The following SH3BP4 variants were observed in gnomAD, a reference collection of about 807,000 sequenced individuals.
The protein encoded by SH3BP4 is SH3 domain-binding protein 4.
A neutral mutation model predicts 65.5 loss-of-function variants in SH3BP4; 33 were observed. The observed-to-expected ratio is 0.50, with a 90% CI of 0.38 to 0.67. The LOEUF (loss-of-function observed/expected upper bound fraction) is 0.67, where lower values mean the gene tolerates loss of function less well. Among genes scored for constraint, SH3BP4 ranks in the 30% least tolerant of loss-of-function variants. The probability of loss-of-function intolerance (pLI) is 0.00; values close to 1 mark genes in which losing one functional copy is unlikely to be tolerated. For missense variants in SH3BP4, 1,134 were observed against 1,261.4 expected (o/e 0.90, Z 1.53); for synonymous variants, 552 against 545.5 (o/e 1.01, Z -0.17).
intron 1 of SH3BP4, among the ~76,000 whole-genome samples, chr2:234,981,305 ACTG>A (rs1693375584): frequency 6.6e-6 from 1 of 151,838 alleles, no homozygotes; most frequent in Non-Finnish European, 1.5e-5. Context: ...TGAGGTGGAG[ACTG>A]CTGGGCTCTG....
intron 2 of SH3BP4, among the ~76,000 whole-genome samples, chr2:235,020,941 G>A (rs1248042862): frequency 6.6e-6 from 1 of 152,202 alleles, no homozygotes; most frequent in Non-Finnish European, 1.5e-5. Context: ...TGACACCAGG[G>A]AGGGGCAAAC....
At chr2:235,006,883 C>G (rs1263241956) in intron 2 of SH3BP4, among the ~76,000 whole-genome samples, 1 of 152,016 alleles carries the variant, frequency 6.6e-6, no homozygotes, top group East Asian at 1.9e-4. Flanking sequence ...GGCTGATGCA[C>G]CTGGTGTTTA....
intron 2 of SH3BP4, among the ~76,000 whole-genome samples, chr2:235,028,939 G>A (rs112732338): frequency 1.7e-4 from 26 of 152,224 alleles, no homozygotes; most frequent in South Asian, 1.0e-3. Context: ...ATGGGACAGG[G>A]GCTGATGATG....
Position 235,045,113 on chromosome 2 carries a change from G to T in SH3BP4, c.2478+1866G>T, listed in dbSNP as rs1695807367. 1.3e-5 allele frequency among the ~76,000 whole-genome samples: 2 copies of T among 152,214 alleles called. No individual in the cohort carries two copies. Among genetic ancestry groups the T allele is most frequent in the Admixed American group, 1.3e-4 (2 of 15,288 alleles). ...CTGGCTCTCCAGAACCTGGTGCCGG[G>T]CCGTGGCCTGGTCTCCTCACGGGTG... On this transcript the variant is annotated intron_variant, in intron 4 of 5. Coordinates refer to ENST00000392011, the MANE Select transcript of SH3BP4 (RefSeq NM_014521.3). This position sits in a 1 kb window ranked among gnomAD's most constrained non-coding sequence, Gnocchi z 4.3.
intron 2 of SH3BP4, among the ~76,000 whole-genome samples, chr2:235,015,554 G>A (rs1424415483): frequency 6.6e-6 from 1 of 152,204 alleles, no homozygotes; most frequent in South Asian, 2.1e-4. Context: ...ATGCAAGGAT[G>A]GTTTGAGTCC....
chr2:235,013,534 G>A (rs547522982), intron 2 of SH3BP4, among the ~76,000 whole-genome samples: 17 of 152,278 alleles, frequency 1.1e-4, no homozygotes, highest in African/African-American at 3.4e-4. Flanking sequence ...TTGTTAGTTG[G>A]TGCATATACC....
chr2:235,043,824 G>C (rs142612711), intron 4 of SH3BP4, among the ~76,000 whole-genome samples: 1 of 152,284 alleles, frequency 6.6e-6, no homozygotes, highest in Non-Finnish European at 1.5e-5. Flanking sequence ...TGGGATATAC[G>C]TGTGGGGCTT....
chr2:234,981,640 T>G (rs1235026251), intron 1 of SH3BP4: 2 of 152,202 alleles, frequency 1.3e-5, no homozygotes, highest in African/African-American at 4.8e-5. Context: ...TGGCTGGTGT[T>G]TGTTTGCACA....
At chr2:235,038,195 A>G (rs536323660) in intron 3 of SH3BP4, among the ~76,000 whole-genome samples, 112 of 129,864 alleles carry the variant, frequency 8.6e-4, no homozygotes, top group Middle Eastern at 7.5e-3. Flanking sequence ...TTTCATATAT[A>G]TATACACATA....
In SH3BP4 at chr2:235,041,498, C is replaced by G. The variant is rs1257016787; in HGVS notation, c.729C>G (p.Arg243=). Residue 243 remains arginine (R), a synonymous_variant, in exon 4 of 6, where the codon CGC becomes CGG. Coordinates refer to ENST00000392011, the MANE Select transcript of SH3BP4 (RefSeq NM_014521.3). The surrounding 1 kb of genome is among the most constrained non-coding windows in gnomAD (Gnocchi z 6.0). The part of the protein sequence containing the change: ...RRDNPFFRSK[R]SYSLSELSVL... ...ACAACCCCTTCTTCAGAAGCAAGCGCTCCTACAGTCTCTCGGAACTCTCCG... is the reference window on the plus strand; with the variant it reads ...ACAACCCCTTCTTCAGAAGCAAGCGGTCCTACAGTCTCTCGGAACTCTCCG... The G allele has an allele frequency of 1.2e-6, 2 of 1,614,068 alleles. No individual in the cohort carries two copies. The highest frequency in any genetic ancestry group is 2.2e-5 in the East Asian group (1 of 44,892).
At chr2:235,036,740 A>AAAAAAAATAATAAT (rs146049108) in intron 3 of SH3BP4, among the ~76,000 whole-genome samples, 5 of 141,740 alleles carry the variant, frequency 3.5e-5, no homozygotes, top group African/African-American at 1.4e-4. Context: ...TCTATATAAA[A>AAAAAAAATAATAAT]AATAATAATA....
chr2:235,011,071 A>T (rs1694481138), intron 2 of SH3BP4, among the ~76,000 whole-genome samples: 1 of 148,212 alleles, frequency 6.7e-6, no homozygotes, highest in Non-Finnish European at 1.5e-5. Context: ...TCCTAGGAGA[A>T]CCCTTCCTCC....
chr2:235,014,551 C>G (rs1036573091), intron 2 of SH3BP4, among the ~76,000 whole-genome samples: 1 of 152,136 alleles, frequency 6.6e-6, no homozygotes, highest in Admixed American at 6.5e-5. Flanking sequence ...ATTCTCAGTT[C>G]GGGAAGCCTG....
chr2:234,964,844 G>A (rs1306735249), intron 1 of SH3BP4, among the ~76,000 whole-genome samples: 2 of 152,114 alleles, frequency 1.3e-5, no homozygotes, highest in Non-Finnish European at 2.9e-5. Flanking sequence ...CTTGAAAGGG[G>A]CCGGGTGACC....
intron 1 of SH3BP4, among the ~76,000 whole-genome samples, chr2:234,970,092 C>T (rs1056388856): frequency 1.3e-5 from 2 of 151,748 alleles, no homozygotes; most frequent in African/African-American, 4.8e-5. Context: ...CACACACACT[C>T]ACAAATACAC....
At chr2:235,032,032 C>T (rs1001543350) in intron 2 of SH3BP4, among the ~76,000 whole-genome samples, 5 of 151,916 alleles carry the variant, frequency 3.3e-5, no homozygotes, top group African/African-American at 1.2e-4. Context: ...CATGAGGCGG[C>T]GCGGTGGCCG....
At chr2:235,032,250 G>A (rs1695228762) in intron 2 of SH3BP4, among the ~76,000 whole-genome samples, 1 of 152,174 alleles carries the variant, frequency 6.6e-6, no homozygotes, top group Admixed American at 6.5e-5. Flanking sequence ...TGCCCTCACA[G>A]CTGACACCCC....
chr2:234,973,498 G>A (rs1166201279), intron 1 of SH3BP4, among the ~76,000 whole-genome samples: 1 of 152,154 alleles, frequency 6.6e-6, no homozygotes, highest in African/African-American at 2.4e-5. Flanking sequence ...TCGAGGATTT[G>A]TTGACCACCT....
At position 234,954,126 on chromosome 2, in the gene SH3BP4, G is replaced by A. The variant is rs139359866; in HGVS notation, c.-207+1956G>A. ...CTTGTTTACTAAATGAACAATGACC[G>A]GCTGCGGAGAAGCCCAGGACACTTC... On this transcript the variant is annotated intron_variant, in intron 1 of 5. Transcript: ENST00000392011. Among the ~76,000 whole-genome samples the A allele has an allele frequency of 4.5e-4, 69 of 152,054 alleles. 1 individual carries two copies. In the East Asian group the frequency reaches 0.012, roughly 27 times the overall value.
Sources: gnomAD v4.1 joint callset for allele counts (sites outside exome capture counted in the v4.1 genomes callset) on GRCh38, gnomAD v4.1.1 for gene constraint, Gnocchi (gnomAD v3.1) non-coding constraint, MANE v1.5 for transcripts, NCBI Gene and HGNC (gene_info 2026-07-23, HGNC 2026-07-21) for gene names.